The following CLIC1 variants were observed in gnomAD, a reference collection of about 807,000 sequenced individuals.
CLIC1 encodes the protein chloride intracellular channel protein 1.
CLIC1 carries 16 observed loss-of-function variants against 26.4 expected under a neutral mutation model. The ratio of observed to expected loss-of-function variants is 0.61; its 90% CI spans 0.41 to 0.92. CLIC1 has a LOEUF of 0.92. Ranked by LOEUF, CLIC1 falls within the 40% of genes least tolerant of loss-of-function variation. The pLI, the probability that CLIC1 is intolerant of heterozygous loss-of-function variation, is 0.00. For synonymous variants in CLIC1, 98 were observed against 120.8 expected, an observed-to-expected ratio of 0.81 and a Z score of 1.24; for missense variants, 225 against 289.7, an observed-to-expected ratio of 0.78 and a Z score of 1.62.
chr6:31,732,480 G>T lies in CLIC1; in HGVS notation c.383-82C>A. 1 of 945,928 alleles carries T rather than the reference G, an allele frequency of 1.1e-6. No individual in the cohort carries two copies. Among genetic ancestry groups the T allele is most frequent in the Non-Finnish European group, 1.5e-6 (1 of 674,122 alleles). 58.6% of individuals were successfully genotyped at this position (945,928 alleles called of 1,614,324 possible). Reference sequence around the variant, plus strand: ...AGGCCCGTTGGGGGTGGATACTAATGGTGAGTCCAAAATAATAATAGCTAA... The same window carrying T: ...AGGCCCGTTGGGGGTGGATACTAATTGTGAGTCCAAAATAATAATAGCTAA... On this transcript the variant is annotated intron_variant, in intron 4 of 5. Coordinates refer to ENST00000375784, the Ensembl canonical transcript of CLIC1. The surrounding 1 kb of genome is among the most constrained non-coding windows in gnomAD (Gnocchi z 5.0).
chr6:31,733,455 C>CATCTG lies in CLIC1; in HGVS notation c.382+106_382+110dup. On this transcript the variant is annotated intron_variant, in intron 4 of 5. Transcript: ENST00000375784. The surrounding 1 kb of genome is among the most constrained non-coding windows in gnomAD (Gnocchi z 5.4). ...TGGGAAGCTGGGGGAAATTTACGAACATCTGCTTCATCTCCCTGATATCTG... is the reference window on the plus strand; with the variant it reads ...TGGGAAGCTGGGGGAAATTTACGAACATCTGATCTGCTTCATCTCCCTGATATCTG... 1.3e-6 allele frequency: 1 copy of CATCTG among 743,182 alleles called. No homozygotes were observed. 46.0% of individuals were successfully genotyped at this position (743,182 alleles called of 1,614,324 possible).
chr6:31,732,177 A>G lies in CLIC1; in HGVS notation c.564+40T>C. 7.3e-7 allele frequency: 1 copy of G among 1,377,254 alleles called. No individual in the cohort carries two copies. Among genetic ancestry groups the G allele is most frequent in the South Asian group, 1.9e-5 (1 of 51,990 alleles). The allele number at this position is 1,377,254 out of a possible 1,614,324, so 85.3% of individuals were successfully genotyped here. On this transcript the variant is annotated intron_variant, in intron 5 of 5. Transcript: ENST00000375784. This position sits in a 1 kb window ranked among gnomAD's most constrained non-coding sequence, Gnocchi z 5.0. ...CCATGTGGGAGCTCCTTAAAGGGCC[A>G]CTCCAGTGGTCATCCTCTCCTCCCG...
Position 31,730,747 on chromosome 6 carries a change from G to T in CLIC1, c.*95C>A. ...AGTGCTCCAGGATTCCCTGCCCACTGGCCATTTTGGAGTGTGTCCATTGGG... is the reference window on the plus strand; with the variant it reads ...AGTGCTCCAGGATTCCCTGCCCACTTGCCATTTTGGAGTGTGTCCATTGGG... On this transcript the variant is annotated 3_prime_UTR_variant, in exon 6 of 6. Coordinates refer to ENST00000375784, the Ensembl canonical transcript of CLIC1. This position sits in a 1 kb window ranked among gnomAD's most constrained non-coding sequence, Gnocchi z 5.1. The T allele has an allele frequency of 7.5e-7, 1 of 1,339,638 alleles. No homozygotes were observed. Among genetic ancestry groups the T allele is most frequent in the Non-Finnish European group, 1.0e-6 (1 of 953,578 alleles). 83.0% of individuals were successfully genotyped at this position (1,339,638 alleles called of 1,614,324 possible).
chr6:31,731,309 CTT>C (rs371296169), intron 5 of CLIC1, among the ~76,000 whole-genome samples: 2 of 147,000 alleles, frequency 1.4e-5, no homozygotes, highest in African/African-American at 5.0e-5. Flanking sequence ...TTTCATCAGA[CTT>C]TTTTTTTTTT....
At chr6:31,736,634 A>G (rs115204832), upstream of CLIC1, 11,656 of 1,204,918 alleles carry the variant, frequency 9.7e-3, 84 homozygotes, top group Middle Eastern at 0.037. The surrounding 1 kb of genome is among the most constrained non-coding windows in gnomAD (Gnocchi z 5.0). Context: ...GAATCCTCGG[A>G]TCTCCCACAG....
rs987743856 is a variant in CLIC1, at chr6:31,734,823, C to A, written c.40-560G>T. Among the ~76,000 whole-genome samples the A allele has an allele frequency of 2.0e-5, 3 of 152,226 alleles. No individual in the cohort carries two copies. Among genetic ancestry groups the A allele is most frequent in the Middle Eastern group, 3.4e-3 (1 of 294 alleles). ...CTCATTGGCCCAAGGGACACCTCCC[C>A]CTAAGCTGAGGGTGATTCATCTCTC... On this transcript the variant is annotated intron_variant, in intron 1 of 5. Coordinates refer to ENST00000375784, the Ensembl canonical transcript of CLIC1. The surrounding 1 kb of genome is among the most constrained non-coding windows in gnomAD (Gnocchi z 5.3).
At chr6:31,731,874 A>G (rs1338098806) in intron 5 of CLIC1, among the ~76,000 whole-genome samples, 1 of 152,240 alleles carries the variant, frequency 6.6e-6, no homozygotes, top group Non-Finnish European at 1.5e-5. Flanking sequence ...AAAGAAAGTT[A>G]AAGCTTTGAC....
chr6:31,733,507 T>C lies in CLIC1; in HGVS notation c.382+59A>G. On this transcript the variant is annotated intron_variant, in intron 4 of 5. Transcript: ENST00000375784. The surrounding 1 kb of genome is among the most constrained non-coding windows in gnomAD (Gnocchi z 5.4). ...ACGTCCAGGTGCCCCTAATGTCTCC[T>C]ACCCGCTGGGTCCTCTCTATTCCTC... 1 of 1,276,690 alleles carries C rather than the reference T, an allele frequency of 7.8e-7. No homozygotes were observed. Among genetic ancestry groups the C allele is most frequent in the Non-Finnish European group, 1.1e-6 (1 of 877,670 alleles). 79.1% of individuals were successfully genotyped at this position (1,276,690 alleles called of 1,614,324 possible).
rs1583862048 is a variant in CLIC1 at position 31,733,084 on chromosome 6, C to T, written c.382+482G>A. ...TTGCAGTGAGCTGATTGCACCACTG[C>T]ACTCCAGCCTGGGCGACAGAACGAG... is the stretch of plus-strand genomic sequence containing the variant. On this transcript the variant is annotated intron_variant, in intron 4 of 5. Coordinates refer to ENST00000375784, the Ensembl canonical transcript of CLIC1. The surrounding 1 kb of genome is among the most constrained non-coding windows in gnomAD (Gnocchi z 5.4). Among the ~76,000 whole-genome samples, 2 of 151,440 alleles carry T rather than the reference C, an allele frequency of 1.3e-5. No homozygotes were observed. Among genetic ancestry groups the T allele is most frequent in the East Asian group, 2.0e-4 (1 of 5,080 alleles).
At position 31,733,925 on chromosome 6, in the gene CLIC1, C is replaced by T; in HGVS notation, c.186G>A (p.Gly62=). Residue 62 remains glycine (G), a synonymous_variant, in exon 3 of 6, where the codon GGG becomes GGA. Coordinates refer to ENST00000375784, the Ensembl canonical transcript of CLIC1. The surrounding 1 kb of genome is among the most constrained non-coding windows in gnomAD (Gnocchi z 5.4). ...TGCCATACAGCAGGAATGGGAGCTGCCCCCCTGGGCACAGCTTCTGCACTG... is the reference window on the plus strand; with the variant it reads ...TGCCATACAGCAGGAATGGGAGCTGTCCCCCTGGGCACAGCTTCTGCACTG... 5 of 1,613,688 alleles carry T rather than the reference C, an allele frequency of 3.1e-6. No homozygotes were observed. The highest frequency in any genetic ancestry group is 2.2e-5 in the South Asian group (2 of 91,074).
rs1169943294 is a variant in CLIC1, at chr6:31,733,895, T to C, written c.216A>G (p.Glu72=). ...CAATCTTGTTGGTGTCTGTGTGCAC[T>C]TCAGTGCCATACAGCAGGAATGGGA... The change falls in exon 3 of 6, where the codon GAA becomes GAG. Residue 72 remains glutamate, a synonymous_variant. Transcript: ENST00000375784. This position sits in a 1 kb window ranked among gnomAD's most constrained non-coding sequence, Gnocchi z 5.4. The C allele has an allele frequency of 2.5e-6, 4 of 1,613,866 alleles. No homozygotes were observed. The highest frequency in any genetic ancestry group is 1.3e-5 in the African/African-American group (1 of 74,866).
Position 31,733,446 on chromosome 6 carries a change from A to T in CLIC1, c.382+120T>A. 3 of 708,698 alleles carry T rather than the reference A, an allele frequency of 4.2e-6. No individual in the cohort carries two copies. Among genetic ancestry groups the T allele is most frequent in the Non-Finnish European group, 7.3e-6 (3 of 408,922 alleles). The allele number at this position is 708,698 out of a possible 1,614,324, so 43.9% of individuals were successfully genotyped here. On this transcript the variant is annotated intron_variant, in intron 4 of 5. Transcript: ENST00000375784. The surrounding 1 kb of genome is among the most constrained non-coding windows in gnomAD (Gnocchi z 5.4). ...AAGCAAAAATGGGAAGCTGGGGGAA[A>T]TTTACGAACATCTGCTTCATCTCCC...
chr6:31,733,522 C>G lies in CLIC1; in HGVS notation c.382+44G>C. 2 of 1,454,824 alleles carry G rather than the reference C, an allele frequency of 1.4e-6. No homozygotes were observed. The highest frequency in any genetic ancestry group is 1.9e-6 in the Non-Finnish European group (2 of 1,037,780). 90.1% of individuals were successfully genotyped at this position (1,454,824 alleles called of 1,614,324 possible). On this transcript the variant is annotated intron_variant, in intron 4 of 5. Coordinates refer to ENST00000375784, the Ensembl canonical transcript of CLIC1. The surrounding 1 kb of genome is among the most constrained non-coding windows in gnomAD (Gnocchi z 5.4). ...TAATGTCTCCTACCCGCTGGGTCCT[C>G]TCTATTCCTCCCAGGACCCAGGCCT...
At chr6:31,737,033 A>C, upstream of CLIC1, 7 of 773,794 alleles carry the variant, frequency 9.0e-6, no homozygotes, top group Non-Finnish European at 1.1e-5. Context: ...CTGGTGTCTC[A>C]GTAGGTCCTG....
Position 31,736,440 on chromosome 6 carries a change from C to A in CLIC1, c.-140G>T. 1 of 1,473,950 alleles carries A rather than the reference C, an allele frequency of 6.8e-7. No homozygotes were observed. Among genetic ancestry groups the A allele is most frequent in the South Asian group, 1.3e-5 (1 of 74,944 alleles). The allele number at this position is 1,473,950 out of a possible 1,614,324, so 91.3% of individuals were successfully genotyped here. ...TCAGCACAACACAAGCTCAATCAGACCTACTTGCACCCAAACTAGGCCTCC... is the reference window on the plus strand; with the variant it reads ...TCAGCACAACACAAGCTCAATCAGAACTACTTGCACCCAAACTAGGCCTCC... On this transcript the variant is annotated 5_prime_UTR_variant, in exon 1 of 6. Transcript: ENST00000375784. This position sits in a 1 kb window ranked among gnomAD's most constrained non-coding sequence, Gnocchi z 5.0.
chr6:31,735,393 A>AG (rs906644375), intron 1 of CLIC1, among the ~76,000 whole-genome samples: 2 of 150,980 alleles, frequency 1.3e-5, no homozygotes, highest in Non-Finnish European at 3.0e-5. Flanking sequence ...CTGCAATCAG[A>AG]GGGGGGCTGG....
At chr6:31,731,258 C>T (rs1260952179) in intron 5 of CLIC1, among the ~76,000 whole-genome samples, 1 of 152,100 alleles carries the variant, frequency 6.6e-6, no homozygotes, top group Non-Finnish European at 1.5e-5. Flanking sequence ...TCCCCCTATA[C>T]CACTTCAGGC....
At position 31,730,697 on chromosome 6, in the gene CLIC1, T is replaced by C; in HGVS notation, c.*145A>G. 2.4e-6 allele frequency: 2 copies of C among 832,722 alleles called. No homozygotes were observed. The highest frequency in any genetic ancestry group is 3.8e-6 in the Non-Finnish European group (2 of 527,688). 51.6% of individuals were successfully genotyped at this position (832,722 alleles called of 1,614,324 possible). A position where few individuals can be genotyped will look rare whatever the true frequency, so the allele number is the denominator to read the frequency against. ...CCCCCCATTTCTTTCCCTCATCCCC[T>C]CTTCCACCACACCATCCCGGAACAA... On this transcript the variant is annotated 3_prime_UTR_variant, in exon 6 of 6. Transcript: ENST00000375784. This position sits in a 1 kb window ranked among gnomAD's most constrained non-coding sequence, Gnocchi z 5.1.
rs762480187 is a variant in CLIC1, at chr6:31,732,282, A to C, written c.499T>G (p.Phe167Val). 1.3e-6 allele frequency: 2 copies of C among 1,596,868 alleles called. No homozygotes were observed. Among genetic ancestry groups the C allele is most frequent in the South Asian group, 1.1e-5 (1 of 87,724 alleles). The change falls in exon 5 of 6, where the codon TTT becomes GTT. Residue 167 changes from phenylalanine to valine, a missense_variant. Transcript: ENST00000375784. This position sits in a 1 kb window ranked among gnomAD's most constrained non-coding sequence, Gnocchi z 5.0. ...AGGGTGAGCTCGTTGCCATCCAAAA[A>C]CTTCCTCTGAGAGACACCTTCATCT...
Sources: allele counts gnomAD v4.1 joint callset (sites outside exome capture counted in the v4.1 genomes callset), GRCh38; gene constraint gnomAD v4.1.1; non-coding constraint Gnocchi (gnomAD v3.1); transcripts MANE v1.5; gene names NCBI Gene and HGNC (gene_info 2026-07-23, HGNC 2026-07-21).